CRAMP1: variants seen among roughly 807,000 people sequenced by gnomAD.
The protein encoded by CRAMP1 is cramped chromatin regulator 1, also known as protein cramped-like.
Under a neutral mutation model 115.4 loss-of-function variants are expected in CRAMP1, and 50 were observed. The ratio of observed to expected loss-of-function variants is 0.43; its 90% CI spans 0.35 to 0.55. The LOEUF is 0.55. CRAMP1 is among the 20% of genes least tolerant of loss of function. The probability of loss-of-function intolerance (pLI) is 0.01; values close to 1 mark genes in which losing one functional copy is unlikely to be tolerated. For missense variants in CRAMP1, 1,679 were observed against 1,721.7 expected, an observed-to-expected ratio of 0.98 and a Z score of 0.44; for synonymous variants, 866 against 745.4, an observed-to-expected ratio of 1.16 and a Z score of -2.64.
rs776396231 is a variant in CRAMP1 at position 1,637,807 on chromosome 16, T to A, written c.695-17T>A. On this transcript the variant is annotated splice_polypyrimidine_tract_variant and intron_variant, in intron 4 of 20. Transcript: ENST00000397412. ...CCTGTTCCCCTCTCTAAAGCCGCCT[T>A]CTCTTCTGTTTCTCAGTGTTCTCTC... 6 of 1,439,860 alleles carry A rather than the reference T, an allele frequency of 4.2e-6. No individual in the cohort carries two copies. Among genetic ancestry groups the A allele is most frequent in the Non-Finnish European group, 5.6e-6 (6 of 1,074,406 alleles). 89.2% of individuals were successfully genotyped at this position (1,439,860 alleles called of 1,614,324 possible).
chr16:1,656,251 G>C lies in CRAMP1; in HGVS notation c.1494G>C (p.Gly498=). ...ESSPESAPGE[G]AALSLSSPDA... is the part of the protein sequence containing the mutation. ...CCCCCGAAAGCGCCCCCGGGGAGGG[G>C]GCTGCCCTAAGCTTGAGCAGCCCGG... is the stretch of plus-strand genomic sequence containing the variant. The change falls in exon 10 of 21, where the codon GGG becomes GGC. Residue 498 remains glycine (G), a synonymous_variant. Transcript: ENST00000397412. The surrounding 1 kb of genome is among the most constrained non-coding windows in gnomAD (Gnocchi z 5.6). The C allele has an allele frequency of 6.2e-7, 1 of 1,610,372 alleles. No individual in the cohort carries two copies. The highest frequency in any genetic ancestry group is 8.5e-7 in the Non-Finnish European group (1 of 1,179,450).
At chr16:1,641,362 C>T (rs928074862) in intron 6 of CRAMP1, among the ~76,000 whole-genome samples, 175 bp downstream of exon 6, 1 of 152,190 alleles carries the variant, frequency 6.6e-6, no homozygotes, top group African/African-American at 2.4e-5. Flanking sequence ...AGTGACTGCG[C>T]CCAGAGCCTG....
intron 10 of CRAMP1, 47 bp from the exon 11 acceptor site, chr16:1,659,839 T>C: frequency 1.3e-6 from 2 of 1,573,606 alleles, no homozygotes; most frequent in South Asian, 2.2e-5. Flanking sequence ...CAAGAGCCAT[T>C]TCTCATGTGC....
Position 1,666,551 on chromosome 16 carries a change from A to G in CRAMP1, c.2987A>G (p.Gln996Arg). ...SDEVTGAISG[Q>R]DSTGTHQDGD... ...GAGGTGACGGGTGCCATCTCGGGGC[A>G]GGACTCTACTGGAACTCACCAGGAT... Residue 996 changes from glutamine (Q) to arginine (R), a missense_variant, in exon 16 of 21, where the codon CAG becomes CGG. Physicochemically the swap from Gln to Arg is conservative, Grantham distance 43. Around this residue, in one of 8 missense-constraint regions of CRAMP1, gnomAD observed 709 missense variants for 741.9 expected, o/e 0.96. Transcript: ENST00000397412. This position sits in a 1 kb window ranked among gnomAD's most constrained non-coding sequence, Gnocchi z 5.0. 6.2e-7 allele frequency: 1 copy of G among 1,613,958 alleles called. No homozygotes were observed. The highest frequency in any genetic ancestry group is 8.5e-7 in the Non-Finnish European group (1 of 1,179,886).
At chr16:1,627,045 T>C (rs1373238463) in intron 3 of CRAMP1, among the ~76,000 whole-genome samples, 2 of 152,246 alleles carry the variant, frequency 1.3e-5, no homozygotes, top group Non-Finnish European at 2.9e-5. Context: ...GATTCTGTTG[T>C]CGTAAGTAAC....
rs758266685 is a variant in CRAMP1 at position 1,652,825 on chromosome 16, T to A, written c.914-208T>A. Among the ~76,000 whole-genome samples, 83 of 152,354 alleles carry A rather than the reference T, an allele frequency of 5.4e-4. 1 individual carries two copies. Among genetic ancestry groups the A allele is most frequent in the Middle Eastern group, 3.4e-3 (1 of 294 alleles). Reference sequence around the variant, plus strand: ...GAGGTTGTCAGGATCGAGTCTCCTATGGCCTCTCTGGACCAGTCTGTGGCC... The same window carrying A: ...GAGGTTGTCAGGATCGAGTCTCCTAAGGCCTCTCTGGACCAGTCTGTGGCC... On this transcript the variant is annotated intron_variant, in intron 7 of 20. Transcript: ENST00000397412.
chr16:1,628,178 CATGTA>C (rs1277721204), intron 3 of CRAMP1, among the ~76,000 whole-genome samples: 8 of 152,302 alleles, frequency 5.3e-5, no homozygotes, highest in Admixed American at 5.2e-4. Context: ...CTGTTCTGAT[CATGTA>C]ATGCTTTCTG....
intron 2 of CRAMP1, among the ~76,000 whole-genome samples, chr16:1,617,082 C>G (rs55807365): frequency 2.6e-5 from 4 of 152,000 alleles, no homozygotes; most frequent in African/African-American, 9.7e-5. Flanking sequence ...CCTCAGCCCC[C>G]CAAAGTGCTG....
At chr16:1,667,766 C>G (rs2036888557) in intron 17 of CRAMP1, among the ~76,000 whole-genome samples, 196 bp from the exon 18 acceptor site, 1 of 152,228 alleles carries the variant, frequency 6.6e-6, no homozygotes, top group African/African-American at 2.4e-5. Flanking sequence ...GCCTGACTTT[C>G]TGACTCTGCC....
chr16:1,613,571 A>T (rs1465707076), intron 1 of CRAMP1, among the ~76,000 whole-genome samples: 1 of 152,186 alleles, frequency 6.6e-6, no homozygotes, highest in African/African-American at 2.4e-5. Context: ...TCTGGGCTGC[A>T]GCTCTTGCTG....
rs1240153248 is a variant in CRAMP1 at position 1,671,114 on chromosome 16, G to A, written c.3645+305G>A. ...TCTGAAGGCAGCCAGAGCCGAGTGG[G>A]GATGTTACCTCTCCTTCCCTGGCTG... On this transcript the variant is annotated intron_variant, in intron 20 of 20. Coordinates refer to ENST00000397412, the MANE Select transcript of CRAMP1 (RefSeq NM_020825.4). This position sits in a 1 kb window ranked among gnomAD's most constrained non-coding sequence, Gnocchi z 5.0. 6.6e-6 allele frequency among the ~76,000 whole-genome samples: 1 copy of A among 152,212 alleles called. No homozygotes were observed. Among genetic ancestry groups the A allele is most frequent in the Non-Finnish European group, 1.5e-5 (1 of 68,036 alleles).
chr16:1,620,054 G>A (rs1441691489), intron 2 of CRAMP1, among the ~76,000 whole-genome samples: 5 of 152,166 alleles, frequency 3.3e-5, no homozygotes, highest in Non-Finnish European at 1.5e-5. Flanking sequence ...GAACTCATCC[G>A]AGATGACACC....
intron 10 of CRAMP1, among the ~76,000 whole-genome samples, chr16:1,658,879 G>A (rs1235372949): frequency 6.6e-6 from 1 of 152,200 alleles, no homozygotes; most frequent in East Asian, 1.9e-4. Context: ...CGGGTGGGAT[G>A]TGTGGGGTGT....
At chr16:1,638,592 C>G (rs1199970799) in intron 5 of CRAMP1, among the ~76,000 whole-genome samples, 1 of 152,192 alleles carries the variant, frequency 6.6e-6, no homozygotes, top group Non-Finnish European at 1.5e-5. Flanking sequence ...GCGCTTGTGC[C>G]CAGCGCCCCT....
At chr16:1,626,228 C>T (rs565149356) in intron 3 of CRAMP1, 62 bp downstream of exon 3, 91 of 1,370,992 alleles carry the variant, frequency 6.6e-5, no homozygotes, top group South Asian at 2.6e-4. Context: ...CCCTGCCCTC[C>T]GTTCCCCGTG....
At chr16:1,634,452 G>C (rs943743339) in intron 4 of CRAMP1, among the ~76,000 whole-genome samples, 1 of 151,964 alleles carries the variant, frequency 6.6e-6, no homozygotes, top group Non-Finnish European at 1.5e-5. Context: ...TGGCCCTTCT[G>C]TCCATCTAGG....
chr16:1,649,462 A>AGTGT (rs1567455617), intron 6 of CRAMP1, among the ~76,000 whole-genome samples: 10 of 142,378 alleles, frequency 7.0e-5, no homozygotes, highest in African/African-American at 2.6e-4. Flanking sequence ...TTGGGACCTC[A>AGTGT]CTGTTTGGCC....
chr16:1,620,627 C>A (rs761869584), intron 2 of CRAMP1: 40 of 456,888 alleles, frequency 8.8e-5, no homozygotes, highest in Non-Finnish European at 1.4e-4. Flanking sequence ...CGTCTGACCT[C>A]TCACGTCCAG....
chr16:1,626,493 C>T (rs1295180075), intron 3 of CRAMP1, among the ~76,000 whole-genome samples: 1 of 151,844 alleles, frequency 6.6e-6, no homozygotes, highest in Non-Finnish European at 1.5e-5. Context: ...AGGGCTTTCC[C>T]TTTGTGCTGA....
Sources: gnomAD v4.1 joint callset for allele counts (sites outside exome capture counted in the v4.1 genomes callset) on GRCh38, gnomAD v4.1.1 for gene constraint, gnomAD v4.1.1 regional missense constraint, Gnocchi (gnomAD v3.1) non-coding constraint, MANE v1.5 for transcripts, NCBI Gene and HGNC (gene_info 2026-07-23, HGNC 2026-07-21) for gene names.